BBOX1: variants seen among roughly 807,000 people sequenced by gnomAD.
BBOX1 encodes gamma-butyrobetaine hydroxylase 1.
Under a neutral mutation model 41.6 loss-of-function variants are expected in BBOX1, and 35 were observed. The observed-to-expected ratio is 0.84, with a 90% CI of 0.64 to 1.11. The LOEUF (loss-of-function observed/expected upper bound fraction) is 1.11. BBOX1 is among the 50% of genes most tolerant of loss of function. The pLI is 0.00. For synonymous variants in BBOX1, 163 were observed against 154.7 expected (o/e 1.05, Z -0.40); for missense variants, 458 against 460.6 (o/e 0.99, Z 0.05).
intron 7 of BBOX1, among the ~76,000 whole-genome samples, 173 bp from the exon 8 acceptor site, chr11:27,125,481 G>C (rs944353980): frequency 6.6e-6 from 1 of 151,806 alleles, no homozygotes; most frequent in Non-Finnish European, 1.5e-5. Flanking sequence ...CTAAATGAAT[G>C]AATGAAAAAA....
At chr11:27,081,549 A>G (rs1857835801) in intron 4 of BBOX1, among the ~76,000 whole-genome samples, 1 of 152,178 alleles carries the variant, frequency 6.6e-6, no homozygotes, top group Non-Finnish European at 1.5e-5. Flanking sequence ...AGAGTGATTT[A>G]TAATCCCTTG....
intron 5 of BBOX1, among the ~76,000 whole-genome samples, chr11:27,095,224 T>C (rs965585461): frequency 1.3e-5 from 2 of 152,028 alleles, no homozygotes; most frequent in Non-Finnish European, 2.9e-5. Context: ...TACTTAGTTT[T>C]TATTTGCTGA....
intron 6 of BBOX1, among the ~76,000 whole-genome samples, chr11:27,118,475 G>C (rs1386161296): frequency 1.3e-5 from 2 of 151,902 alleles, no homozygotes; most frequent in African/African-American, 4.8e-5. Context: ...CAGTTTGATC[G>C]ATTTGGATTA....
chr11:27,111,421 A>C (rs1448722812), intron 5 of BBOX1, among the ~76,000 whole-genome samples: 1 of 152,022 alleles, frequency 6.6e-6, no homozygotes, highest in East Asian at 1.9e-4. Flanking sequence ...GGATGGGATC[A>C]ATCTTACCCC....
intron 5 of BBOX1, among the ~76,000 whole-genome samples, chr11:27,095,294 T>C (rs1858398826): frequency 6.6e-6 from 1 of 151,954 alleles, no homozygotes; most frequent in Non-Finnish European, 1.5e-5. Context: ...TGGCCAAATT[T>C]GGGGATCTTT....
intron 4 of BBOX1, among the ~76,000 whole-genome samples, chr11:27,070,480 T>C (rs1590183621): frequency 6.6e-6 from 1 of 152,166 alleles, no homozygotes; most frequent in East Asian, 1.9e-4. Flanking sequence ...TAATATCTTC[T>C]TGTTGGATTG....
chr11:27,074,411 G>A (rs1466285833), intron 4 of BBOX1, among the ~76,000 whole-genome samples: 1 of 152,202 alleles, frequency 6.6e-6, no homozygotes, highest in East Asian at 2.0e-4. Flanking sequence ...GAAGATGTGG[G>A]AAAGTTTGGA....
chr11:27,102,191 A>G (rs1360591157), intron 5 of BBOX1, among the ~76,000 whole-genome samples: 2 of 152,116 alleles, frequency 1.3e-5, no homozygotes, highest in African/African-American at 4.8e-5. Context: ...GTACAGTGCT[A>G]AGGATGCATG....
At chr11:27,087,211 G>GA (rs1458845373) in intron 4 of BBOX1, among the ~76,000 whole-genome samples, 1 of 152,052 alleles carries the variant, frequency 6.6e-6, no homozygotes, top group African/African-American at 2.4e-5. Context: ...TTCCACTGTG[G>GA]AAAAATGCTA....
chr11:27,122,490 A>T (rs1859500108), intron 7 of BBOX1, among the ~76,000 whole-genome samples: 1 of 152,212 alleles, frequency 6.6e-6, no homozygotes, highest in Non-Finnish European at 1.5e-5. Flanking sequence ...TATAATATGC[A>T]TGAAGTCCAA....
At chr11:27,051,635 C>CT (rs1246283290) in intron 2 of BBOX1, among the ~76,000 whole-genome samples, 1 of 151,878 alleles carries the variant, frequency 6.6e-6, no homozygotes, top group Non-Finnish European at 1.5e-5. Context: ...CTCTTATGAG[C>CT]TTTTGTATTT....
At chr11:27,103,891 G>A (rs996846824) in intron 5 of BBOX1, among the ~76,000 whole-genome samples, 67 of 151,818 alleles carry the variant, frequency 4.4e-4, no homozygotes, top group African/African-American at 1.4e-3. Flanking sequence ...CTAATTTTAC[G>A]TTAAACTTGT....
intron 4 of BBOX1, among the ~76,000 whole-genome samples, chr11:27,071,404 A>C (rs1278254249): frequency 6.6e-6 from 1 of 151,560 alleles, no homozygotes; most frequent in Admixed American, 6.6e-5. Flanking sequence ...AGGGGGCTAA[A>C]GATAGGATCC....
chr11:27,122,323 T>C (rs1376791552), intron 7 of BBOX1, among the ~76,000 whole-genome samples: 1 of 152,136 alleles, frequency 6.6e-6, no homozygotes, highest in East Asian at 1.9e-4. Context: ...TCTCATGTGA[T>C]TATTTACCCT....
At chr11:27,124,868 T>C (rs1859594640) in intron 7 of BBOX1, among the ~76,000 whole-genome samples, 1 of 152,146 alleles carries the variant, frequency 6.6e-6, no homozygotes, top group African/African-American at 2.4e-5. Context: ...ATTGGCATGG[T>C]CATAATCCAT....
At chr11:27,077,302 C>T (rs1857665770) in intron 4 of BBOX1, among the ~76,000 whole-genome samples, 3 of 152,110 alleles carry the variant, frequency 2.0e-5, no homozygotes, top group South Asian at 4.1e-4. Flanking sequence ...CCCTACCACT[C>T]CCTAAATCAG....
chr11:27,066,395 T>C (rs1857280226), intron 4 of BBOX1: 1 of 152,158 alleles, frequency 6.6e-6, no homozygotes, highest in Admixed American at 6.5e-5. Flanking sequence ...AATGTACACA[T>C]AAGGGATAAA....
chr11:27,111,699 T>C (rs1206419155), intron 5 of BBOX1, among the ~76,000 whole-genome samples: 1 of 151,942 alleles, frequency 6.6e-6, no homozygotes, highest in African/African-American at 2.4e-5. Flanking sequence ...TAATATTTTC[T>C]AAACTATTCA....
At position 27,115,473 on chromosome 11, in the gene BBOX1, C is replaced by A. The variant is rs1429982186; in HGVS notation, c.555C>A (p.Asp185Glu). 14 of 1,610,092 alleles carry A rather than the reference C, an allele frequency of 8.7e-6. No homozygotes were observed. Among genetic ancestry groups the A allele is most frequent in the Non-Finnish European group, 1.2e-5 (14 of 1,177,708 alleles). The change falls in exon 6 of 9, where the codon GAC becomes GAA. Residue 185 changes from aspartate to glutamate, a missense_variant. By Grantham distance (45) the Asp-to-Glu change is conservative. Transcript: ENST00000263182. ...TFYGHTWQVQ[D>E]KIDANNVAYT... ...ACAGACATACTTGGCAAGTGCAAGACAAAATCGATGCAAACAATGTGGCTT... is the reference window on the plus strand; with the variant it reads ...ACAGACATACTTGGCAAGTGCAAGAAAAAATCGATGCAAACAATGTGGCTT...
Sources: gnomAD v4.1 joint callset for allele counts (sites outside exome capture counted in the v4.1 genomes callset) on GRCh38, gnomAD v4.1.1 for gene constraint, MANE v1.5 for transcripts, NCBI Gene and HGNC (gene_info 2026-07-23, HGNC 2026-07-21) for gene names.